PDE3B: variants seen among roughly 807,000 people sequenced by gnomAD.
PDE3B encodes the protein cGMP-inhibited 3',5'-cyclic phosphodiesterase 3B.
A neutral mutation model predicts 116.8 loss-of-function variants in PDE3B; 66 were observed. That is an observed-to-expected ratio of 0.56 (90% CI 0.46 to 0.69). The LOEUF is 0.69. PDE3B is among the 30% of genes least tolerant of loss of function. The pLI is 0.00. For missense variants in PDE3B, 1,384 were observed against 1,368.1 expected, an observed-to-expected ratio of 1.01 and a Z score of -0.18; for synonymous variants, 595 against 533.6, an observed-to-expected ratio of 1.12 and a Z score of -1.59.
rs79764642 is a variant in PDE3B, at chr11:14,672,658, C to T, written c.978+27605C>T. Among the ~76,000 whole-genome samples, 952 of 152,236 alleles carry T rather than the reference C, an allele frequency of 6.3e-3. 12 individuals are homozygous for T. Among genetic ancestry groups the T allele is most frequent in the African/African-American group, 0.022 (905 of 41,546 alleles). ...TTCACGGGCTCCTTCCTTTATGTTG[C>T]TCTGCCACCTCTTAGGGTCTTGTCT... On this transcript the variant is annotated intron_variant, in intron 1 of 15. Transcript: ENST00000282096.
chr11:14,703,566 C>T (rs1308694588), intron 1 of PDE3B, among the ~76,000 whole-genome samples: 1 of 151,432 alleles, frequency 6.6e-6, no homozygotes, highest in Non-Finnish European at 1.5e-5. Flanking sequence ...AATTTTTGGT[C>T]TATTTGCATA....
chr11:14,837,744 G>C (rs890854170), intron 11 of PDE3B, among the ~76,000 whole-genome samples: 1 of 152,146 alleles, frequency 6.6e-6, no homozygotes, highest in Non-Finnish European at 1.5e-5. Context: ...ATGGAGCCAA[G>C]TATCTGTAGA....
At chr11:14,677,997 C>T (rs56697537) in intron 1 of PDE3B, among the ~76,000 whole-genome samples, 4,047 of 152,158 alleles carry the variant, frequency 0.027, 194 homozygotes, top group African/African-American at 0.087. Flanking sequence ...GACACGATCT[C>T]GGCTCACTGC....
At chr11:14,799,547 C>G in intron 4 of PDE3B, among the ~76,000 whole-genome samples, 1 of 151,782 alleles carries the variant, frequency 6.6e-6, no homozygotes, top group South Asian at 2.1e-4. Context: ...AAGTCTCCCA[C>G]TATTATTGTG....
chr11:14,738,868 C>G (rs559748611), intron 1 of PDE3B, among the ~76,000 whole-genome samples: 39 of 152,300 alleles, frequency 2.6e-4, no homozygotes, highest in East Asian at 1.9e-4. Context: ...TATCCTTTCC[C>G]CATTGCTTGT....
At chr11:14,669,271 G>A (rs930738724) in intron 1 of PDE3B, among the ~76,000 whole-genome samples, 2 of 151,970 alleles carry the variant, frequency 1.3e-5, no homozygotes, top group African/African-American at 4.8e-5. Flanking sequence ...GTGGGAGAGT[G>A]GGGGAGAATA....
At chr11:14,732,196 G>T (rs1289567328) in intron 1 of PDE3B, among the ~76,000 whole-genome samples, 23 of 152,106 alleles carry the variant, frequency 1.5e-4, no homozygotes. Flanking sequence ...GCAGGTGGGG[G>T]GCAGTATGTT....
chr11:14,725,530 TTCCCC>T (rs1170446660), intron 1 of PDE3B, among the ~76,000 whole-genome samples: 1 of 59,936 alleles, frequency 1.7e-5, no homozygotes, highest in Non-Finnish European at 3.1e-5. Context: ...TCCCCTTCCC[TTCCCC>T]TCCCCTCCCC....
chr11:14,872,220 G>A (rs782258255), downstream of PDE3B, among the ~76,000 whole-genome samples: 5 of 152,164 alleles, frequency 3.3e-5, no homozygotes, highest in Non-Finnish European at 5.9e-5. Context: ...CAAAAGAGAT[G>A]AATAGATACA....
rs374822299 is a variant in PDE3B, at chr11:14,869,661, C to G, written c.*1C>G. ...TGAAGAGGCAGATGAAGAGGAATAG[C>G]GACAGTTTGAGTAAAAGAAAAGTCA... On this transcript the variant is annotated 3_prime_UTR_variant, in exon 16 of 16. Transcript: ENST00000282096. The G allele has an allele frequency of 6.2e-7, 1 of 1,611,862 alleles. No individual in the cohort carries two copies. The highest frequency in any genetic ancestry group is 2.2e-5 in the East Asian group (1 of 44,866).
At chr11:14,853,011 C>CTTT (rs1201371669) in intron 12 of PDE3B, among the ~76,000 whole-genome samples, 2 of 142,720 alleles carry the variant, frequency 1.4e-5, no homozygotes, top group African/African-American at 5.1e-5. Flanking sequence ...GTCTCTCTCT[C>CTTT]TTTTTTTTTT....
At chr11:14,799,624 G>C (rs745432751) in intron 4 of PDE3B, among the ~76,000 whole-genome samples, 1 of 151,240 alleles carries the variant, frequency 6.6e-6, no homozygotes, top group Non-Finnish European at 1.5e-5. Flanking sequence ...TCTTATATTG[G>C]GTACATATAT....
At chr11:14,661,710 C>T (rs1244803459) in intron 1 of PDE3B, among the ~76,000 whole-genome samples, 3 of 152,210 alleles carry the variant, frequency 2.0e-5, no homozygotes, top group Admixed American at 6.5e-5. Context: ...ATTGCTAGCA[C>T]AGCAGTCTGA....
chr11:14,766,659 A>AAAAC (rs201226625), intron 1 of PDE3B, among the ~76,000 whole-genome samples: 4 of 151,558 alleles, frequency 2.6e-5, no homozygotes, highest in South Asian at 2.1e-4. Flanking sequence ...TCTTTCTGTG[A>AAAAC]AAACAAACAA....
intron 7 of PDE3B, 131 bp from the exon 8 acceptor site, chr11:14,830,567 G>A (rs527537662): frequency 5.9e-4 from 247 of 418,350 alleles, no homozygotes; most frequent in Non-Finnish European, 8.9e-4. Flanking sequence ...TAATGGTATC[G>A]TGAAATAATT....
chr11:14,887,247 T>C, the PDE3B span: 1 of 152,148 alleles, frequency 6.6e-6, no homozygotes, highest in Non-Finnish European at 1.5e-5. Context: ...AGAGGGCAAA[T>C]GTATTTCAGG....
intron 1 of PDE3B, among the ~76,000 whole-genome samples, chr11:14,703,519 C>T (rs1238874113): frequency 6.6e-6 from 1 of 150,930 alleles, no homozygotes; most frequent in Non-Finnish European, 1.5e-5. Context: ...TTTTTCTTCT[C>T]CTTTGCTGTG....
rs1359929739 is a variant in PDE3B at position 14,644,910 on chromosome 11, T to C, written c.835T>C (p.Ser279Pro). ...IREAPLHPRL[S>P]SAAEEKVPVI... Reference sequence around the variant, plus strand: ...GGAAGCGCCTCTTCATCCTCGACTGTCCAGTGCCGCCGAAGAAAAAGTGCC... The same window carrying C: ...GGAAGCGCCTCTTCATCCTCGACTGCCCAGTGCCGCCGAAGAAAAAGTGCC... The change falls in exon 1 of 16, where the codon TCC (serine) becomes CCC (proline). Residue 279 changes from serine (S) to proline (P), a missense_variant. Coordinates refer to ENST00000282096, the MANE Select transcript of PDE3B (RefSeq NM_000922.4). 1.2e-6 allele frequency: 2 copies of C among 1,614,058 alleles called. No homozygotes were observed. The highest frequency in any genetic ancestry group is 3.3e-5 in the Admixed American group (2 of 60,028).
At chr11:14,651,909 A>T (rs1049051959) in intron 1 of PDE3B, among the ~76,000 whole-genome samples, 3 of 152,290 alleles carry the variant, frequency 2.0e-5, no homozygotes, top group Non-Finnish European at 4.4e-5. Context: ...TAGCTTTCTA[A>T]TAAGACTTAA....
Sources: allele counts gnomAD v4.1 joint callset (sites outside exome capture counted in the v4.1 genomes callset), GRCh38; gene constraint gnomAD v4.1.1; transcripts MANE v1.5; gene names NCBI Gene and HGNC (gene_info 2026-07-23, HGNC 2026-07-21).